The following LARP1B variants were observed in gnomAD, a reference collection of about 807,000 sequenced individuals.
LARP1B encodes the protein la-related protein 1B.
LARP1B carries 76 observed loss-of-function variants against 114.2 expected under a neutral mutation model. The observed-to-expected ratio is 0.67, with a 90% CI of 0.55 to 0.81. The LOEUF (loss-of-function observed/expected upper bound fraction) is 0.81, where lower values mean the gene tolerates loss of function less well. LARP1B is among the 30% of genes least tolerant of loss of function. The pLI, the probability that LARP1B is intolerant of heterozygous loss-of-function variation, is 0.00. For missense variants in LARP1B, 1,014 were observed against 1,075.8 expected (o/e 0.94, Z 0.80); for synonymous variants, 345 against 348.0 (o/e 0.99, Z 0.10).
At chr4:128,168,321 A>C (rs1341200240) in intron 12 of LARP1B, among the ~76,000 whole-genome samples, 1 of 151,890 alleles carries the variant, frequency 6.6e-6, no homozygotes, top group Non-Finnish European at 1.5e-5. Flanking sequence ...GTAGTATCTC[A>C]TTGTGACTGA....
chr4:128,065,193 C>CATAGTGTAGTA (rs11272218), intron 1 of LARP1B, among the ~76,000 whole-genome samples: 151,029 of 151,082 alleles, frequency 1, 75,488 homozygotes, highest in Middle Eastern at 1. Context: ...TCAGACCTGG[C>CATAGTGTAGTA]ATAGTGTAGT....
At chr4:128,137,832 C>G (rs1408593297) in intron 11 of LARP1B, among the ~76,000 whole-genome samples, 1 of 149,492 alleles carries the variant, frequency 6.7e-6, no homozygotes, top group Admixed American at 6.7e-5. Context: ...TTTGCTTTGT[C>G]TCCCAGGATG....
chr4:128,065,340 CTTT>C (rs1561013596), intron 1 of LARP1B, among the ~76,000 whole-genome samples: 3 of 93,174 alleles, frequency 3.2e-5, no homozygotes, highest in African/African-American at 4.9e-5. Flanking sequence ...TCTTTCCTTT[CTTT>C]TCTTTTCTTT....
chr4:128,172,269 C>T (rs1347363005), intron 12 of LARP1B, among the ~76,000 whole-genome samples: 2 of 151,872 alleles, frequency 1.3e-5, no homozygotes, highest in Admixed American at 6.6e-5. Flanking sequence ...ACCTTAATTA[C>T]GATTGCTTTG....
chr4:128,170,879 T>C (rs1012575807), intron 12 of LARP1B, among the ~76,000 whole-genome samples: 10 of 149,898 alleles, frequency 6.7e-5, no homozygotes, highest in Admixed American at 2.7e-4. Flanking sequence ...TTTCTTTTTT[T>C]TTTTTTTTTT....
intron 1 of LARP1B, chr4:128,061,994 G>A (rs1760296542): frequency 3.0e-6 from 3 of 985,142 alleles, no homozygotes; most frequent in Non-Finnish European, 3.6e-6. Flanking sequence ...GGGCCCTTTC[G>A]GCGGGGAGCC....
At chr4:128,112,817 T>C (rs766016535) in intron 9 of LARP1B, among the ~76,000 whole-genome samples, 1 of 152,102 alleles carries the variant, frequency 6.6e-6, no homozygotes, top group Non-Finnish European at 1.5e-5. Context: ...CTTTTCCTGT[T>C]ATGAAACAAT....
chr4:128,093,337 C>T (rs1421502954), intron 7 of LARP1B, among the ~76,000 whole-genome samples: 1 of 151,982 alleles, frequency 6.6e-6, no homozygotes, highest in Non-Finnish European at 1.5e-5. Flanking sequence ...TGGCTCACGC[C>T]TGTAATCCTA....
intron 11 of LARP1B, among the ~76,000 whole-genome samples, chr4:128,138,128 A>C (rs955763769): frequency 6.6e-6 from 1 of 152,196 alleles, no homozygotes; most frequent in Non-Finnish European, 1.5e-5. Flanking sequence ...GAAGGAAATA[A>C]ATAGCAGAAT....
Position 128,132,905 on chromosome 4 carries a change from A to G in LARP1B, c.1524+10717A>G, listed in dbSNP as rs144833433. 2.0e-3 allele frequency among the ~76,000 whole-genome samples: 297 copies of G among 152,096 alleles called. 1 individual carries two copies. Among genetic ancestry groups the G allele is most frequent in the African/African-American group, 6.0e-3 (248 of 41,492 alleles). ...CCTAAGCTTGTTTTTCTGCAACTAG[A>G]TGGTCCCATCTGGGGGTGATGGGAG... is the stretch of plus-strand genomic sequence containing the variant. On this transcript the variant is annotated intron_variant, in intron 11 of 19. Coordinates refer to ENST00000326639, the MANE Select transcript of LARP1B (RefSeq NM_018078.4).
At chr4:128,066,131 G>A (rs1238511703) in intron 1 of LARP1B, among the ~76,000 whole-genome samples, 4 of 150,686 alleles carry the variant, frequency 2.7e-5, no homozygotes, top group African/African-American at 7.3e-5. Flanking sequence ...CACCCTGCCT[G>A]GCGGCTTTCT....
intron 8 of LARP1B, among the ~76,000 whole-genome samples, chr4:128,100,445 G>A (rs1433379099): frequency 6.6e-6 from 1 of 151,384 alleles, no homozygotes; most frequent in East Asian, 2.0e-4. Flanking sequence ...TCTAACTTTT[G>A]TGTTTTTAGT....
At chr4:128,155,594 C>A in intron 11 of LARP1B, 1 of 973,322 alleles carries the variant, frequency 1.0e-6, no homozygotes, top group Non-Finnish European at 1.7e-6. Flanking sequence ...AGGCCTCTGA[C>A]CTACCCTTAG....
chr4:128,070,370 C>T (rs1041430350), intron 1 of LARP1B, among the ~76,000 whole-genome samples: 1 of 151,668 alleles, frequency 6.6e-6, no homozygotes, highest in Non-Finnish European at 1.5e-5. Context: ...TTAAAAATTG[C>T]TGAGGACTGC....
At chr4:128,212,861 G>A (rs1407764786), downstream of LARP1B, among the ~76,000 whole-genome samples, 6 of 147,372 alleles carry the variant, frequency 4.1e-5, no homozygotes, top group South Asian at 2.2e-4. Flanking sequence ...CACCAATTAT[G>A]ATAAATCTTT....
At chr4:128,143,523 T>C (rs1471202112) in intron 11 of LARP1B, among the ~76,000 whole-genome samples, 5 of 28,176 alleles carry the variant, frequency 1.8e-4, no homozygotes, top group Non-Finnish European at 5.8e-4. Flanking sequence ...AATGGTGGGG[T>C]GGGTGGAGCT....
rs976598392 is a variant in LARP1B, at chr4:128,151,988, C to G, written c.1525-10206C>G. Reference sequence around the variant, plus strand: ...CTCCAGAGACATGTGATGTCAGTTACAAAATTTGATGTGGTTAGAATTGGT... The same window carrying G: ...CTCCAGAGACATGTGATGTCAGTTAGAAAATTTGATGTGGTTAGAATTGGT... On this transcript the variant is annotated intron_variant, in intron 11 of 19. Coordinates refer to ENST00000326639, the MANE Select transcript of LARP1B (RefSeq NM_018078.4). Among the ~76,000 whole-genome samples, 3 of 152,122 alleles carry G rather than the reference C, an allele frequency of 2.0e-5. No homozygotes were observed. In the East Asian group the frequency reaches 5.8e-4, roughly 29 times the overall value.
intron 15 of LARP1B, among the ~76,000 whole-genome samples, chr4:128,197,132 G>A (rs976017534): frequency 2.6e-5 from 4 of 152,134 alleles, no homozygotes; most frequent in African/African-American, 9.7e-5. Context: ...GATGATTACA[G>A]AATATTGTGA....
chr4:128,083,405 G>A (rs1221415739), intron 5 of LARP1B, among the ~76,000 whole-genome samples: 86 of 151,130 alleles, frequency 5.7e-4, no homozygotes, highest in Non-Finnish European at 1.1e-3. Context: ...GGGCAGAGGC[G>A]CCCCTCACCT....
Sources: allele counts gnomAD v4.1 joint callset (sites outside exome capture counted in the v4.1 genomes callset), GRCh38; gene constraint gnomAD v4.1.1; transcripts MANE v1.5; gene names NCBI Gene and HGNC (gene_info 2026-07-23, HGNC 2026-07-21).